PRDM11: variants seen among roughly 807,000 people sequenced by gnomAD.
PRDM11 encodes PR/SET domain 11.
PRDM11 carries 20 observed loss-of-function variants against 97.8 expected under a neutral mutation model. The observed-to-expected ratio is 0.20, with a 90% confidence interval of 0.14 to 0.30. PRDM11 has a LOEUF of 0.30. Among genes scored for constraint, PRDM11 ranks in the 10% least tolerant of loss-of-function variants. The pLI is 1.00. For missense variants in PRDM11, 1,139 were observed against 1,555.2 expected (o/e 0.73, Z 4.50); for synonymous variants, 599 against 637.7 (o/e 0.94, Z 0.91).
intron 1 of PRDM11, among the ~76,000 whole-genome samples, chr11:45,148,100 A>G (rs183666689): frequency 6.6e-6 from 1 of 152,162 alleles, no homozygotes; most frequent in African/African-American, 2.4e-5. Context: ...GGAGCAGGGC[A>G]CAGTCTTTGC....
chr11:45,097,925 C>G (rs1851911501), intron 1 of PRDM11, among the ~76,000 whole-genome samples: 1 of 152,250 alleles, frequency 6.6e-6, no homozygotes, highest in African/African-American at 2.4e-5. Flanking sequence ...CAGGCACCGT[C>G]ACGTCATTGG....
intron 5 of PRDM11, chr11:45,209,209 C>T (rs1054948360): frequency 4.6e-6 from 2 of 436,424 alleles, no homozygotes; most frequent in Non-Finnish European, 9.3e-6. Flanking sequence ...CACGAGAGGG[C>T]CATCAAGTCG....
intron 1 of PRDM11, among the ~76,000 whole-genome samples, chr11:45,099,174 C>T (rs1305315874): frequency 2.0e-5 from 3 of 151,968 alleles, no homozygotes; most frequent in South Asian, 2.1e-4. Flanking sequence ...GGCTCTGGGC[C>T]GGGTGTGGTG....
rs571571284 is a variant in PRDM11, at chr11:45,209,173, G to A, written c.554+4395G>A. The stretch of plus-strand genomic sequence containing the variant: ...CTGTCGGGCCCTGGGGCCGGGGGCC[G>A]GGCCCCCACCATCGTGCTCACGGCC... On this transcript the variant is annotated intron_variant, in intron 5 of 7. Transcript: ENST00000683152. 7.3e-5 allele frequency: 33 copies of A among 453,262 alleles called. No individual in the cohort carries two copies. The East Asian group carries it at 7.7e-4, about 11-fold the overall frequency. 28.1% of individuals were successfully genotyped at this position (453,262 alleles called of 1,614,324 possible). A position where few individuals can be genotyped will look rare whatever the true frequency, so the allele number is the denominator to read the frequency against.
chr11:45,095,696 G>A, upstream of PRDM11: 2 of 658,938 alleles, frequency 3.0e-6, no homozygotes, highest in Non-Finnish European at 2.8e-6. Context: ...TTGGGGAAAG[G>A]CATTCTCTTT....
chr11:45,113,325 A>G (rs1671442656), intron 1 of PRDM11, among the ~76,000 whole-genome samples: 1 of 152,158 alleles, frequency 6.6e-6, no homozygotes. Flanking sequence ...GTGTTTTTAT[A>G]CCAGTACTAC....
intron 1 of PRDM11, among the ~76,000 whole-genome samples, chr11:45,125,632 C>G (rs1285879385): frequency 6.6e-6 from 1 of 152,144 alleles, no homozygotes; most frequent in African/African-American, 2.4e-5. Context: ...TGTTCAGTTT[C>G]CATGTAGTTG....
At chr11:45,216,000 TAGA>T (rs1378546319) in intron 5 of PRDM11, 1 of 152,670 alleles carries the variant, frequency 6.6e-6, no homozygotes, top group Non-Finnish European at 1.5e-5. Context: ...CTGACCCAGC[TAGA>T]AAATATGATG....
At position 45,232,263 on chromosome 11, in the gene PRDM11, A is replaced by G. The variant is rs1854412428; in HGVS notation, c.*4104A>G. ...CAGCCGGCACTGAGGGGCTGGTGCCATGTTACTTGATCACCTGGAGCCTGA... is the reference window on the plus strand; with the variant it reads ...CAGCCGGCACTGAGGGGCTGGTGCCGTGTTACTTGATCACCTGGAGCCTGA... On this transcript the variant is annotated 3_prime_UTR_variant, in exon 8 of 8. Transcript: ENST00000683152. 1 of 152,208 alleles carries G rather than the reference A, an allele frequency of 6.6e-6. No individual in the cohort carries two copies. The highest frequency in any genetic ancestry group is 2.4e-5 in the African/African-American group (1 of 41,444). The allele number at this position is 152,208 out of a possible 1,614,324, so 9.4% of individuals were successfully genotyped here.
At chr11:45,209,136 A>G (rs1853621071) in intron 5 of PRDM11, 2 of 456,282 alleles carry the variant, frequency 4.4e-6, no homozygotes, top group Non-Finnish European at 8.8e-6. Flanking sequence ...GCTGGCCTTC[A>G]TGCAGCAGTC....
chr11:45,210,022 A>G (rs571890259), intron 5 of PRDM11, among the ~76,000 whole-genome samples: 17 of 152,316 alleles, frequency 1.1e-4, no homozygotes, highest in Admixed American at 2.6e-4. Flanking sequence ...GGCACGTTCC[A>G]GGAACAGTGA....
rs1854279307 is a variant in PRDM11 at position 45,226,578 on chromosome 11, C to T, written c.1953C>T (p.Arg651=). 6.5e-7 allele frequency: 1 copy of T among 1,533,946 alleles called. No individual in the cohort carries two copies. The highest frequency in any genetic ancestry group is 1.2e-5 in the South Asian group (1 of 83,960). Residue 651 remains arginine, a synonymous_variant, in exon 8 of 8, where the codon CGC becomes CGT. Transcript: ENST00000683152. ...CCCTGCGGGAAGACCTGGTGGAGCG[C>T]ATCCGCCAGTCACCTTGCCTCAGCG... The part of the protein sequence containing the change: ...ARALREDLVE[R]IRQSPCLSVI...
rs1854273533 is a variant in PRDM11 at position 45,226,317 on chromosome 11, C to A, written c.1692C>A (p.Asn564Lys). ...IHTIKLHSQS[N>K]LHKKCLQLYK... ...CCATCAAACTTCACAGCCAGAGCAACCTGCACAAGAAGTGCCTGCAACTGT... is the reference window on the plus strand; with the variant it reads ...CCATCAAACTTCACAGCCAGAGCAAACTGCACAAGAAGTGCCTGCAACTGT... The change falls in exon 8 of 8, where the codon AAC becomes AAA. Residue 564 changes from asparagine to lysine, a missense_variant. Around this residue, in one of 2 missense-constraint regions of PRDM11, gnomAD observed 710 missense variants for 1,044.9 expected, o/e 0.68. Transcript: ENST00000683152. 2 of 1,533,970 alleles carry A rather than the reference C, an allele frequency of 1.3e-6. No homozygotes were observed. Among genetic ancestry groups the A allele is most frequent in the Non-Finnish European group, 8.7e-7 (1 of 1,146,742 alleles).
At chr11:45,118,173 T>A (rs1852344913) in intron 1 of PRDM11, among the ~76,000 whole-genome samples, 1 of 152,170 alleles carries the variant, frequency 6.6e-6, no homozygotes, top group African/African-American at 2.4e-5. Context: ...TTAAAGAGAC[T>A]TGACAGTTAA....
In PRDM11 at chr11:45,126,941, T is replaced by G. The variant is rs148608812; in HGVS notation, c.96+31040T>G. ...ATATCCTGCAGAGTGTTTTCCAACT[T>G]GGTTCCATTCTCCCTGTCACTTTCA... On this transcript the variant is annotated intron_variant, in intron 1 of 6. Coordinates refer to the PRDM11 transcript ENST00000530656. Among the ~76,000 whole-genome samples, 1,289 of 152,352 alleles carry G rather than the reference T, an allele frequency of 8.5e-3. 48 individuals carry two copies. Among genetic ancestry groups the G allele is most frequent in the Admixed American group, 0.061 (940 of 15,304 alleles).
rs902122098 is a variant in PRDM11, at chr11:45,121,145, G to A, written c.96+25244G>A. Among the ~76,000 whole-genome samples the A allele has an allele frequency of 1.8e-4, 27 of 152,186 alleles. 1 individual carries two copies. The highest frequency in any genetic ancestry group is 1.9e-4 in the East Asian group (1 of 5,178). ...GGTTCAAATAAAAATCAAATCACACGATGGTAGTTTGATACTACCAACTAT... is the reference window on the plus strand; with the variant it reads ...GGTTCAAATAAAAATCAAATCACACAATGGTAGTTTGATACTACCAACTAT... On this transcript the variant is annotated intron_variant, in intron 1 of 6. Coordinates refer to the PRDM11 transcript ENST00000530656.
Position 45,219,733 on chromosome 11 carries a change from A to G in PRDM11, c.718A>G (p.Thr240Ala). The part of the protein sequence containing the change: ...MKRLHSMSQE[T>A]IHRNLARGEK... ...GCGCCTGCACAGCATGTCCCAGGAA[A>G]CCATTCACCGCAACCTGGCCAGAGG... is the stretch of plus-strand genomic sequence containing the variant. Residue 240 changes from threonine to alanine, a missense_variant, in exon 6 of 8, where the codon ACC becomes GCC. Thr to Ala is a moderately conservative substitution (Grantham distance 58, BLOSUM62 0). Transcript: ENST00000683152. The surrounding 1 kb of genome is among the most constrained non-coding windows in gnomAD (Gnocchi z 4.2). The G allele has an allele frequency of 6.2e-7, 1 of 1,613,800 alleles. No individual in the cohort carries two copies. The highest frequency in any genetic ancestry group is 8.5e-7 in the Non-Finnish European group (1 of 1,179,964).
intron 5 of PRDM11, among the ~76,000 whole-genome samples, chr11:45,210,758 T>G (rs1039751394): frequency 5.9e-5 from 9 of 152,196 alleles, no homozygotes; most frequent in Non-Finnish European, 1.2e-4. Flanking sequence ...ATGCAGAAAG[T>G]AAGCTCTGAA....
At position 45,204,696 on chromosome 11, in the gene PRDM11, T is replaced by C; in HGVS notation, c.487-15T>C. On this transcript the variant is annotated splice_polypyrimidine_tract_variant and intron_variant, in intron 4 of 7. Transcript: ENST00000683152. ...TCTAGAATGGCCCATCCTAGACTCTTTCTCTTTCTTCCAGATTGTGGACAA... is the reference window on the plus strand; with the variant it reads ...TCTAGAATGGCCCATCCTAGACTCTCTCTCTTTCTTCCAGATTGTGGACAA... 6.2e-7 allele frequency: 1 copy of C among 1,607,434 alleles called. No homozygotes were observed. Among genetic ancestry groups the C allele is most frequent in the Non-Finnish European group, 8.5e-7 (1 of 1,173,892 alleles).
Sources: gnomAD v4.1 joint callset for allele counts (sites outside exome capture counted in the v4.1 genomes callset) on GRCh38, gnomAD v4.1.1 for gene constraint, gnomAD v4.1.1 regional missense constraint, Gnocchi (gnomAD v3.1) non-coding constraint, MANE v1.5 for transcripts, NCBI Gene and HGNC (gene_info 2026-07-23, HGNC 2026-07-21) for gene names.